Variants in DMRT1 observed in about 807,000 individuals in gnomAD.
DMRT1 encodes the protein doublesex and mab-3 related transcription factor 1.
Under a neutral mutation model 32.3 loss-of-function variants are expected in DMRT1, and 7 were observed. That is an observed-to-expected ratio of 0.22 (90% CI 0.12 to 0.41). DMRT1 has a LOEUF of 0.41. DMRT1 is among the 10% of genes least tolerant of loss of function. DMRT1 has a pLI of 1.00. For missense variants in DMRT1, 625 were observed against 500.5 expected (o/e 1.25, Z -2.37); for synonymous variants, 278 against 206.1 (o/e 1.35, Z -2.99).
chr9:908,470 T>TA (rs1554754979), intron 3 of DMRT1, among the ~76,000 whole-genome samples: 1 of 147,358 alleles, frequency 6.8e-6, no homozygotes, highest in Non-Finnish European at 1.5e-5. Context: ...AATGTTTTTT[T>TA]AAAAAAGACT....
intron 4 of DMRT1, among the ~76,000 whole-genome samples, chr9:923,998 T>A (rs1301270543): frequency 6.6e-6 from 1 of 151,970 alleles, no homozygotes; most frequent in Non-Finnish European, 1.5e-5. Context: ...TGGAAGGGCA[T>A]TGGAACTATC....
intron 4 of DMRT1, among the ~76,000 whole-genome samples, chr9:917,509 A>T (rs190063000): frequency 1.2e-3 from 177 of 152,326 alleles, no homozygotes; most frequent in African/African-American, 4.1e-3. Flanking sequence ...GGTGAGAGGC[A>T]GGTCTTTACA....
At chr9:875,626 T>C (rs541141915) in intron 2 of DMRT1, among the ~76,000 whole-genome samples, 2 of 152,318 alleles carry the variant, frequency 1.3e-5, no homozygotes, top group East Asian at 3.9e-4. Flanking sequence ...GCCAGTTAGA[T>C]AGCTTCTGTC....
intron 4 of DMRT1, among the ~76,000 whole-genome samples, chr9:929,411 A>G (rs901062390): frequency 1.1e-4 from 17 of 152,014 alleles, no homozygotes; most frequent in African/African-American, 4.1e-4. Context: ...TTTTATTTCT[A>G]CAAAAACAGT....
At chr9:928,880 C>T (rs1267071149) in intron 4 of DMRT1, among the ~76,000 whole-genome samples, 1 of 149,870 alleles carries the variant, frequency 6.7e-6, no homozygotes, top group African/African-American at 2.5e-5. Flanking sequence ...ATTTTGTGCC[C>T]AGGCTGGAGT....
intron 4 of DMRT1, among the ~76,000 whole-genome samples, chr9:920,719 G>A (rs1399338902): frequency 6.6e-6 from 1 of 152,176 alleles, no homozygotes; most frequent in Non-Finnish European, 1.5e-5. Context: ...GTATGCTGAT[G>A]AGGGCGATCC....
intron 2 of DMRT1, among the ~76,000 whole-genome samples, chr9:864,667 T>G (rs1337324919): frequency 2.6e-5 from 4 of 151,538 alleles, no homozygotes; most frequent in Non-Finnish European, 5.9e-5. Context: ...CCTGGCTAAT[T>G]TTTTTTGTAT....
intron 3 of DMRT1, among the ~76,000 whole-genome samples, chr9:905,914 G>A (rs1817758527): frequency 6.6e-6 from 1 of 152,236 alleles, no homozygotes; most frequent in Non-Finnish European, 1.5e-5. Context: ...TGTTCCCGTG[G>A]TGTCTCTGCT....
chr9:942,317 A>G (rs1179690643), intron 4 of DMRT1, among the ~76,000 whole-genome samples: 1 of 152,228 alleles, frequency 6.6e-6, no homozygotes, highest in Non-Finnish European at 1.5e-5. Context: ...TGTGTCACCC[A>G]GGCTGGAGTG....
chr9:858,719 C>G (rs1815510460), intron 2 of DMRT1, among the ~76,000 whole-genome samples: 2 of 151,730 alleles, frequency 1.3e-5, no homozygotes, highest in African/African-American at 4.8e-5. Context: ...ACTAAAAATA[C>G]AAAAATTAGT....
At chr9:941,421 G>C (rs1192795911) in intron 4 of DMRT1, among the ~76,000 whole-genome samples, 1 of 146,862 alleles carries the variant, frequency 6.8e-6, no homozygotes, top group African/African-American at 2.5e-5. Flanking sequence ...ATTATGCTAA[G>C]TTACATGTCG....
chr9:852,452 T>G (rs1815191646), intron 2 of DMRT1, among the ~76,000 whole-genome samples: 1 of 151,722 alleles, frequency 6.6e-6, no homozygotes, highest in African/African-American at 2.4e-5. Flanking sequence ...GTCTTCTTCC[T>G]CTTTGTAAAT....
At chr9:908,966 C>T (rs1028548629) in intron 3 of DMRT1, among the ~76,000 whole-genome samples, 3 of 152,114 alleles carry the variant, frequency 2.0e-5, no homozygotes, top group African/African-American at 7.2e-5. Flanking sequence ...CCCTGTCCAC[C>T]CCTCACCCCA....
chr9:922,817 T>A (rs566036638), intron 4 of DMRT1, among the ~76,000 whole-genome samples: 3 of 152,322 alleles, frequency 2.0e-5, no homozygotes, highest in Non-Finnish European at 4.4e-5. Flanking sequence ...GAAGTGTTCA[T>A]GTATTACTCA....
chr9:857,840 TTG>T (rs1815468779), intron 2 of DMRT1, among the ~76,000 whole-genome samples: 1 of 139,164 alleles, frequency 7.2e-6, no homozygotes, highest in African/African-American at 2.7e-5. Flanking sequence ...TGTGTTCTCA[TTG>T]TTCGATTCCC....
chr9:961,756 T>C lies in DMRT1; in HGVS notation c.968-6229T>C, dbSNP rs77617073. On this transcript the variant is annotated intron_variant, in intron 4 of 4. Coordinates refer to ENST00000382276, the MANE Select transcript of DMRT1 (RefSeq NM_021951.3). Reference sequence around the variant, plus strand: ...ACAGACCTTGTACTAAATCCTGATATGATTCTGATGCGTTCAAAAGCAAGA... The same window carrying C: ...ACAGACCTTGTACTAAATCCTGATACGATTCTGATGCGTTCAAAAGCAAGA... 3.8e-3 allele frequency among the ~76,000 whole-genome samples: 574 copies of C among 152,338 alleles called. 6 individuals carry two copies. Among genetic ancestry groups the C allele is most frequent in the African/African-American group, 0.013 (522 of 41,576 alleles).
intron 2 of DMRT1, among the ~76,000 whole-genome samples, chr9:863,474 C>A (rs986152538): frequency 6.6e-6 from 1 of 152,140 alleles, no homozygotes; most frequent in Admixed American, 6.5e-5. Context: ...GGGAACCCCT[C>A]AGCCAAAGAA....
intron 2 of DMRT1, among the ~76,000 whole-genome samples, chr9:860,843 C>T (rs1429252837): frequency 6.6e-6 from 1 of 152,102 alleles, no homozygotes; most frequent in East Asian, 1.9e-4. Flanking sequence ...GAGGAAGGAG[C>T]AGCAAGGTGA....
intron 2 of DMRT1, among the ~76,000 whole-genome samples, chr9:852,292 A>AG (rs1019889483): frequency 1.3e-5 from 1 of 75,780 alleles, no homozygotes; most frequent in Non-Finnish European, 3.6e-5. Flanking sequence ...TGGAGTATTC[A>AG]GAAAAAAAAA....
Sources: gnomAD v4.1 joint callset for allele counts (sites outside exome capture counted in the v4.1 genomes callset) on GRCh38, gnomAD v4.1.1 for gene constraint, MANE v1.5 for transcripts, NCBI Gene and HGNC (gene_info 2026-07-23, HGNC 2026-07-21) for gene names.